The following CTNND2 variants were observed in gnomAD, a reference collection of about 807,000 sequenced individuals.
CTNND2 encodes catenin delta-2.
CTNND2 carries 22 observed loss-of-function variants against 144.4 expected under a neutral mutation model. That is an observed-to-expected ratio of 0.15 (90% CI 0.11 to 0.22). The LOEUF is 0.22. Ranked by LOEUF, CTNND2 falls within the 10% of genes least tolerant of loss-of-function variation. The pLI is 1.00. For missense variants in CTNND2, 1,353 were observed against 1,618.8 expected (o/e 0.84, Z 2.82); for synonymous variants, 751 against 695.6 (o/e 1.08, Z -1.25).
At chr5:11,456,451 T>A (rs1339222520) in intron 3 of CTNND2, among the ~76,000 whole-genome samples, 1 of 150,648 alleles carries the variant, frequency 6.6e-6, no homozygotes, top group South Asian at 2.1e-4. Flanking sequence ...GTTTCACATC[T>A]GTGTCCAGAC....
At chr5:11,877,451 G>C (rs986014565) in intron 1 of CTNND2, among the ~76,000 whole-genome samples, 3 of 152,028 alleles carry the variant, frequency 2.0e-5, no homozygotes, top group Non-Finnish European at 4.4e-5. Context: ...ACTTTTAAGA[G>C]TAAACTTCTT....
At chr5:11,108,906 C>T (rs1580309446) in intron 14 of CTNND2, among the ~76,000 whole-genome samples, 1 of 152,208 alleles carries the variant, frequency 6.6e-6, no homozygotes. Context: ...ATGCTGATTG[C>T]TACAAAAGGT....
intron 3 of CTNND2, among the ~76,000 whole-genome samples, chr5:11,510,864 G>C (rs1211854992): frequency 6.6e-6 from 1 of 152,046 alleles, no homozygotes; most frequent in Non-Finnish European, 1.5e-5. Context: ...CCAAGAGGCG[G>C]AGGTTGCAGT....
chr5:11,013,827 G>T (rs747652813), intron 18 of CTNND2, among the ~76,000 whole-genome samples: 1 of 152,174 alleles, frequency 6.6e-6, no homozygotes, highest in Non-Finnish European at 1.5e-5. Flanking sequence ...GGGCTGTGGC[G>T]ATGGGACTGA....
At chr5:11,190,886 C>A (rs32274) in intron 11 of CTNND2, among the ~76,000 whole-genome samples, 101,590 of 152,094 alleles carry the variant, frequency 0.67, 35,767 homozygotes, top group African/African-American at 0.91. Context: ...TTCAGGTTCA[C>A]GAACAACGGA....
intron 3 of CTNND2, among the ~76,000 whole-genome samples, chr5:11,518,230 T>G (rs992864868): frequency 6.6e-6 from 1 of 152,200 alleles, no homozygotes; most frequent in Non-Finnish European, 1.5e-5. Flanking sequence ...GGTGTGCTTG[T>G]GTCTTAGTTT....
intron 2 of CTNND2, among the ~76,000 whole-genome samples, chr5:11,610,631 T>C (rs1028959860): frequency 1.3e-5 from 2 of 152,184 alleles, no homozygotes; most frequent in Non-Finnish European, 2.9e-5. Flanking sequence ...TTTTAAGTAA[T>C]AGAATGTTAT....
At chr5:11,756,693 G>A (rs1788961192) in intron 1 of CTNND2, among the ~76,000 whole-genome samples, 1 of 150,302 alleles carries the variant, frequency 6.7e-6, no homozygotes, top group African/African-American at 2.4e-5. Context: ...ATGTGATGAT[G>A]CTATATATAT....
In CTNND2 at chr5:11,739,691, C is replaced by T. The variant is rs144934046; in HGVS notation, c.38-7419G>A. 7.2e-5 allele frequency among the ~76,000 whole-genome samples: 11 copies of T among 152,098 alleles called. No homozygotes were observed. In the East Asian group the frequency reaches 7.8e-4, roughly 11 times the overall value. On this transcript the variant is annotated intron_variant, in intron 1 of 21. Coordinates refer to ENST00000304623, the MANE Select transcript of CTNND2 (RefSeq NM_001332.4). ...TATTATAGTGTTGGAAGTTCTGGCC[C>T]GGGCAATCAGGCAGGAGAAAGAAAT...
chr5:11,256,334 C>T (rs941101412), intron 9 of CTNND2, among the ~76,000 whole-genome samples: 1 of 152,130 alleles, frequency 6.6e-6, no homozygotes, highest in Non-Finnish European at 1.5e-5. Flanking sequence ...TTTTTGACCC[C>T]ATGAAAATTT....
intron 1 of CTNND2, among the ~76,000 whole-genome samples, chr5:11,837,093 C>A (rs1794227261): frequency 6.6e-6 from 1 of 152,164 alleles, no homozygotes; most frequent in Non-Finnish European, 1.5e-5. Context: ...GTTCAACCAC[C>A]ACAATTCTCA....
In CTNND2 at chr5:11,285,866, T is replaced by C. The variant is rs191404028; in HGVS notation, c.1629-49043A>G. ...GGAACTGAGGGAGAGTGCACACATA[T>C]ATGTTAAATCCAAAGTGATTTTTAA... On this transcript the variant is annotated intron_variant, in intron 9 of 21. Coordinates refer to ENST00000304623, the MANE Select transcript of CTNND2 (RefSeq NM_001332.4). Among the ~76,000 whole-genome samples the C allele has an allele frequency of 2.0e-4, 13 of 66,042 alleles. No individual in the cohort carries two copies. In the East Asian group the frequency reaches 2.1e-3, roughly 11 times the overall value. The allele number at this position is 66,042 out of a possible 152,430, so 43.3% of individuals were successfully genotyped here.
intron 16 of CTNND2, among the ~76,000 whole-genome samples, chr5:11,037,853 T>C (rs2149562277): frequency 6.6e-6 from 1 of 152,284 alleles, no homozygotes; most frequent in Middle Eastern, 3.4e-3. Flanking sequence ...ACTATAATAG[T>C]CCTGCAAATA....
rs376887690 is a variant in CTNND2, at chr5:11,633,437, T to C, written c.175-68381A>G. Among the ~76,000 whole-genome samples, 10 of 152,224 alleles carry C rather than the reference T, an allele frequency of 6.6e-5. No individual in the cohort carries two copies. In the South Asian group the frequency reaches 1.5e-3, roughly 22 times the overall value. On this transcript the variant is annotated intron_variant, in intron 2 of 21. Transcript: ENST00000304623. ...AAGGAAGAAACAGAAAATTCAGCAA[T>C]GTTAGTTGAAATTCAGCAATATTAG...
At chr5:11,411,463 A>C in intron 5 of CTNND2, 73 bp downstream of exon 5, 1 of 783,252 alleles carries the variant, frequency 1.3e-6, no homozygotes, top group Non-Finnish European at 2.2e-6. Context: ...TCATAACAGT[A>C]ATGATATTAG....
At chr5:11,664,152 CT>C (rs1448534843) in intron 2 of CTNND2, among the ~76,000 whole-genome samples, 3 of 152,108 alleles carry the variant, frequency 2.0e-5, no homozygotes, top group Non-Finnish European at 4.4e-5. Flanking sequence ...GGTTGCTAAC[CT>C]TGATACCTTT....
In CTNND2 at chr5:11,480,644, A is replaced by ATGTGTGTGTGTGTGTGTGTG. The variant is rs112150074; in HGVS notation, c.288-68576_288-68575insCACACACACACACACACACA. Among the ~76,000 whole-genome samples the ATGTGTGTGTGTGTGTGTGTG allele has an allele frequency of 6.2e-4, 85 of 138,128 alleles. 1 individual carries two copies. Among genetic ancestry groups the ATGTGTGTGTGTGTGTGTGTG allele is most frequent in the Middle Eastern group, 3.5e-3 (1 of 282 alleles). 90.6% of individuals were successfully genotyped at this position (138,128 alleles called of 152,430 possible). A position where few individuals can be genotyped will look rare whatever the true frequency, so the allele number is the denominator to read the frequency against. On this transcript the variant is annotated intron_variant, in intron 3 of 21. Transcript: ENST00000304623. ...CTTGTTCTATGATTTGAAAATACATATATGTGTGTGTGTGTGTGTGTGTGT... is the reference window on the plus strand; with the variant it reads ...CTTGTTCTATGATTTGAAAATACATATGTGTGTGTGTGTGTGTGTGTATGTGTGTGTGTGTGTGTGTGTGT...
Position 11,678,070 on chromosome 5 carries a change from G to A in CTNND2, c.174+54066C>T, listed in dbSNP as rs78123477. Among the ~76,000 whole-genome samples the A allele has an allele frequency of 4.1e-3, 618 of 152,250 alleles. 5 individuals are homozygous for A. Among genetic ancestry groups the A allele is most frequent in the African/African-American group, 0.014 (595 of 41,540 alleles). ...TCACTCTACCACAGACCGTGGATGG[G>A]TACAGGTGTCAGACAGAACTCTGAC... is the stretch of plus-strand genomic sequence containing the variant. On this transcript the variant is annotated intron_variant, in intron 2 of 21. Transcript: ENST00000304623.
chr5:11,478,206 G>A (rs993452808), intron 3 of CTNND2, among the ~76,000 whole-genome samples: 2 of 152,102 alleles, frequency 1.3e-5, no homozygotes, highest in Non-Finnish European at 2.9e-5. Context: ...ACAGCAATTC[G>A]TTAAAAAATT....
Sources: allele counts gnomAD v4.1 joint callset (sites outside exome capture counted in the v4.1 genomes callset), GRCh38; gene constraint gnomAD v4.1.1; transcripts MANE v1.5; gene names NCBI Gene and HGNC (gene_info 2026-07-23, HGNC 2026-07-21).